The following PSD3 variants were observed in gnomAD, a reference collection of about 807,000 sequenced individuals.
PSD3 encodes PH and SEC7 domain-containing protein 3.
Under a neutral mutation model 105.5 loss-of-function variants are expected in PSD3, and 49 were observed. That is an observed-to-expected ratio of 0.46 (90% CI 0.37 to 0.59). The LOEUF is 0.59. Among genes scored for constraint, PSD3 ranks in the 20% least tolerant of loss-of-function variants. The pLI is 0.00. For synonymous variants in PSD3, 557 were observed against 457.8 expected (o/e 1.22, Z -2.77); for missense variants, 1,561 against 1,263.8 (o/e 1.24, Z -3.57).
chr8:18,755,814 A>T (rs1805991669), intron 9 of PSD3, among the ~76,000 whole-genome samples: 1 of 151,744 alleles, frequency 6.6e-6, no homozygotes, highest in South Asian at 2.1e-4. Context: ...AGTTACTTCA[A>T]ATATTACCCT....
At chr8:18,910,528 C>T (rs868218472) in intron 2 of PSD3, among the ~76,000 whole-genome samples, 54 of 119,060 alleles carry the variant, frequency 4.5e-4, no homozygotes, top group African/African-American at 1.6e-3. Flanking sequence ...GGGAGATATA[C>T]CTAATGCTAG....
chr8:18,804,972 T>A, intron 4 of PSD3, 74 bp from the exon 5 acceptor site: 1 of 1,248,134 alleles, frequency 8.0e-7, no homozygotes, highest in South Asian at 1.5e-5. Flanking sequence ...TGATGAAATA[T>A]TGATAGTTTT....
intron 8 of PSD3, among the ~76,000 whole-genome samples, chr8:18,781,438 T>C (rs1808615022): frequency 6.6e-6 from 1 of 152,204 alleles, no homozygotes; most frequent in Non-Finnish European, 1.5e-5. Flanking sequence ...CCTAAGTCCC[T>C]ATTAAATGTT....
chr8:18,793,658 G>C (rs527990795), intron 8 of PSD3, among the ~76,000 whole-genome samples: 9 of 152,276 alleles, frequency 5.9e-5, no homozygotes, highest in African/African-American at 2.2e-4. Context: ...AAAGCTCAGA[G>C]AGAAAACTGA....
Position 18,619,184 on chromosome 8 carries a change from T to C in PSD3, c.2410+13429A>G, listed in dbSNP as rs140127250. 3.3e-3 allele frequency among the ~76,000 whole-genome samples: 506 copies of C among 152,128 alleles called. 4 individuals are homozygous for C. The highest frequency in any genetic ancestry group is 0.011 in the African/African-American group (477 of 41,480). On this transcript the variant is annotated intron_variant, in intron 11 of 15. Transcript: ENST00000327040. ...GACCCCCTCTTGACCAAAAGAAACC[T>C]AAAAAACTGAATGCCTGCCACGATG...
At chr8:18,938,425 C>G (rs1478953841) in intron 1 of PSD3, among the ~76,000 whole-genome samples, 1 of 151,934 alleles carries the variant, frequency 6.6e-6, no homozygotes, top group Non-Finnish European at 1.5e-5. Context: ...AGTTCGAGAC[C>G]AGCCTGGCCA....
chr8:18,807,846 C>G (rs1386274241), intron 4 of PSD3, among the ~76,000 whole-genome samples: 3 of 152,120 alleles, frequency 2.0e-5, no homozygotes, highest in Admixed American at 6.5e-5. Context: ...TGGCTGAAAC[C>G]TGTAATCCCT....
chr8:18,537,033 C>T (rs750655356), intron 15 of PSD3, among the ~76,000 whole-genome samples: 35 of 152,266 alleles, frequency 2.3e-4, no homozygotes, highest in African/African-American at 6.0e-4. Context: ...GGGTTTTGTA[C>T]GTGTCAGTTT....
chr8:19,050,247 G>T (rs909302275), intron 1 of PSD3, among the ~76,000 whole-genome samples: 1 of 152,170 alleles, frequency 6.6e-6, no homozygotes, highest in Non-Finnish European at 1.5e-5. Flanking sequence ...TCCTTTCTGA[G>T]CAGAAAAAGA....
chr8:18,970,095 T>C (rs1456211914), intron 1 of PSD3, among the ~76,000 whole-genome samples: 1 of 150,802 alleles, frequency 6.6e-6, no homozygotes. Flanking sequence ...GGAGGCCAAG[T>C]TGGGCGGATC....
At chr8:18,957,157 G>C (rs1015215721) in intron 1 of PSD3, among the ~76,000 whole-genome samples, 1 of 151,896 alleles carries the variant, frequency 6.6e-6, no homozygotes, top group Non-Finnish European at 1.5e-5. Context: ...GGATCACAAG[G>C]TCAAAGAGAT....
chr8:18,618,038 C>T (rs529139997), intron 11 of PSD3, among the ~76,000 whole-genome samples: 2 of 152,300 alleles, frequency 1.3e-5, no homozygotes, highest in South Asian at 2.1e-4. Context: ...CATCTATTCC[C>T]TCTGAAGTCT....
chr8:19,025,159 G>A (rs564371087), intron 1 of PSD3, among the ~76,000 whole-genome samples: 81 of 151,498 alleles, frequency 5.3e-4, no homozygotes, highest in Admixed American at 2.7e-3. Context: ...TGGATTTGGC[G>A]TAGGTTTCAC....
intron 8 of PSD3, among the ~76,000 whole-genome samples, chr8:18,776,677 G>C (rs558395607): frequency 3.3e-5 from 5 of 152,034 alleles, no homozygotes; most frequent in Non-Finnish European, 7.4e-5. Flanking sequence ...CATCTGGCCT[G>C]GTTCTTCTTT....
intron 12 of PSD3, among the ~76,000 whole-genome samples, chr8:18,576,201 A>G (rs1357169331): frequency 6.6e-6 from 1 of 152,196 alleles, no homozygotes; most frequent in African/African-American, 2.4e-5. Context: ...TACTATTGCC[A>G]TCAATTCAAA....
rs932255100 is a variant in PSD3, at chr8:19,072,905, A to T, written c.324+11301T>A. ...CAAGTGAACGTGAAAATGCATGAATACTTTTGTACCGTTGAAATTTCCTGA... is the reference window on the plus strand; with the variant it reads ...CAAGTGAACGTGAAAATGCATGAATTCTTTTGTACCGTTGAAATTTCCTGA... On this transcript the variant is annotated intron_variant, in intron 1 of 1. Coordinates refer to the PSD3 transcript ENST00000521475. Among the ~76,000 whole-genome samples, 2 of 152,198 alleles carry T rather than the reference A, an allele frequency of 1.3e-5. 1 individual carries two copies. The highest frequency in any genetic ancestry group is 4.1e-4 in the South Asian group (2 of 4,832).
chr8:18,690,504 C>G (rs187342692), intron 9 of PSD3, among the ~76,000 whole-genome samples: 3 of 152,098 alleles, frequency 2.0e-5, no homozygotes, highest in Non-Finnish European at 4.4e-5. Context: ...ATTTTGAACC[C>G]CAGCAGATGG....
At chr8:18,635,481 C>T (rs1489333467) in intron 10 of PSD3, among the ~76,000 whole-genome samples, 1 of 152,088 alleles carries the variant, frequency 6.6e-6, no homozygotes, top group Non-Finnish European at 1.5e-5. Flanking sequence ...CATTGTCTAA[C>T]ACTTACCATA....
chr8:18,566,522 T>C (rs1480110452), intron 14 of PSD3, among the ~76,000 whole-genome samples: 4 of 19,680 alleles, frequency 2.0e-4, no homozygotes, highest in Admixed American at 6.0e-4. Flanking sequence ...CCAGACTCTG[T>C]CTCAAAAAAA....
Sources: allele counts gnomAD v4.1 joint callset (sites outside exome capture counted in the v4.1 genomes callset), GRCh38; gene constraint gnomAD v4.1.1; transcripts MANE v1.5; gene names NCBI Gene and HGNC (gene_info 2026-07-23, HGNC 2026-07-21).